Variants in OPA1 observed in about 807,000 individuals in gnomAD.
OPA1 encodes OPA1 mitochondrial dynamin like GTPase, also known as dynamin-like GTPase OPA1, mitochondrial.
Under a neutral mutation model 152.9 loss-of-function variants are expected in OPA1, and 59 were observed. The observed-to-expected ratio is 0.39, with a 90% CI of 0.31 to 0.48. The LOEUF is 0.48. Ranked by LOEUF, OPA1 falls within the 20% of genes least tolerant of loss-of-function variation. OPA1 has a pLI of 0.96. For synonymous variants in OPA1, 400 were observed against 389.9 expected (o/e 1.03, Z -0.31); for missense variants, 1,008 against 1,216.8 (o/e 0.83, Z 2.55).
chr3:193,649,657 G>A (rs1711905226), intron 21 of OPA1, among the ~76,000 whole-genome samples: 1 of 152,148 alleles, frequency 6.6e-6, no homozygotes, highest in African/African-American at 2.4e-5. Flanking sequence ...TCAAAAGTGA[G>A]CCTAGATAGT....
chr3:193,644,194 C>CA, intron 16 of OPA1, 89 bp downstream of exon 16: 2 of 1,465,854 alleles, frequency 1.4e-6, no homozygotes, highest in Admixed American at 1.7e-5. Flanking sequence ...ACAACAACAA[C>CA]AACAAAAAAA....
chr3:193,639,005 AG>A (rs1733356028), intron 11 of OPA1, among the ~76,000 whole-genome samples: 1 of 152,164 alleles, frequency 6.6e-6, no homozygotes, highest in Non-Finnish European at 1.5e-5. Context: ...GATCTAATAA[AG>A]GGGGGAAATG....
intron 1 of OPA1, among the ~76,000 whole-genome samples, chr3:193,604,774 C>T (rs538651060): frequency 2.0e-5 from 3 of 149,116 alleles, no homozygotes; most frequent in Non-Finnish European, 4.4e-5. Flanking sequence ...GCAGGAGAAT[C>T]GCTTGAACCC....
intron 16 of OPA1, among the ~76,000 whole-genome samples, chr3:193,644,785 C>G (rs1734296829): frequency 6.6e-6 from 1 of 152,114 alleles, no homozygotes; most frequent in Non-Finnish European, 1.5e-5. Flanking sequence ...TCTTTCAACT[C>G]TAGGATAGTG....
At chr3:193,648,192 CTAAATT>C in intron 20 of OPA1, 58 bp downstream of exon 20, 1 of 1,324,598 alleles carries the variant, frequency 7.5e-7, no homozygotes, top group Non-Finnish European at 1.1e-6. Context: ...TGTTTGCTAA[CTAAATT>C]TATGTTGAGA....
chr3:193,655,256 A>G (rs991028273), intron 22 of OPA1, among the ~76,000 whole-genome samples: 1 of 152,172 alleles, frequency 6.6e-6, no homozygotes, highest in Admixed American at 6.5e-5. Flanking sequence ...GGGTATTGGT[A>G]CTTCTTCCAA....
At chr3:193,630,084 G>A (rs1261894614) in intron 7 of OPA1, among the ~76,000 whole-genome samples, 1 of 152,180 alleles carries the variant, frequency 6.6e-6, no homozygotes, top group Non-Finnish European at 1.5e-5. Context: ...CATGCCAAAT[G>A]ATCATAATGT....
intron 5 of OPA1, 189 bp from the exon 6 acceptor site, chr3:193,618,679 GT>G (rs145678823): frequency 1.2e-3 from 630 of 525,090 alleles, no homozygotes; most frequent in East Asian, 2.4e-3. Flanking sequence ...GCTATAGTTA[GT>G]TTTTTTTTTA....
intron 4 of OPA1, 23 bp downstream of exon 4, chr3:193,617,308 T>A: frequency 7.0e-7 from 1 of 1,425,080 alleles, no homozygotes. Context: ...CTGTTTGATC[T>A]AATTTAAAAA....
intron 29 of OPA1, among the ~76,000 whole-genome samples, chr3:193,688,626 A>T (rs1721270123): frequency 6.6e-6 from 1 of 151,916 alleles, no homozygotes; most frequent in Non-Finnish European, 1.5e-5. Context: ...AAAAAAGACC[A>T]AAGAGACTTA....
chr3:193,604,979 A>G (rs1207450265), intron 1 of OPA1, among the ~76,000 whole-genome samples: 3 of 152,166 alleles, frequency 2.0e-5, no homozygotes, highest in Non-Finnish European at 4.4e-5. Context: ...GGCACTCCTT[A>G]ATAGGAGAGC....
chr3:193,666,617 A>G (rs537338833), intron 28 of OPA1, among the ~76,000 whole-genome samples: 7 of 152,090 alleles, frequency 4.6e-5, no homozygotes, highest in East Asian at 1.9e-4. Context: ...GTGAGACTCT[A>G]TCTCTACAAA....
Position 193,688,454 on chromosome 3 carries a change from T to C in OPA1, c.2984-3609T>C, listed in dbSNP as rs200791209. ...TTTACTGAAATGGGTCTTTTCTTTT[T>C]TTTTTTTTTTTTTTTTTTTTTTTTT... On this transcript the variant is annotated intron_variant, in intron 29 of 30. Transcript: ENST00000361510. Among the ~76,000 whole-genome samples, 82 of 25,590 alleles carry C rather than the reference T, an allele frequency of 3.2e-3. 2 individuals carry two copies. Among genetic ancestry groups the C allele is most frequent in the African/African-American group, 0.012 (64 of 5,478 alleles). The allele number at this position is 25,590 out of a possible 152,430, so 16.8% of individuals were successfully genotyped here.
chr3:193,608,031 T>C lies in OPA1; in HGVS notation c.33-6692T>C, dbSNP rs765918789. ...TTATTCTCTTTGAAGCAATTGTGAA[T>C]GAGAGTTCACTCATGATTTGGCTCT... On this transcript the variant is annotated intron_variant, in intron 1 of 30. Coordinates refer to ENST00000361510, the MANE Select transcript of OPA1 (RefSeq NM_130837.3). Among the ~76,000 whole-genome samples the C allele has an allele frequency of 4.6e-5, 7 of 152,366 alleles. No individual in the cohort carries two copies. The South Asian group carries it at 6.2e-4, about 14-fold the overall frequency.
rs77067527 is a variant in OPA1 at position 193,593,790 on chromosome 3, C to T, written c.32+381C>T. 2.0e-4 allele frequency among the ~76,000 whole-genome samples: 30 copies of T among 152,048 alleles called. No homozygotes were observed. The East Asian group carries it at 5.2e-3, about 27-fold the overall frequency. Reference sequence around the variant, plus strand: ...CAGGTTTGGCTCTGTCCATGAGTCACCTCTCTCCACATTTCTCCTAACTCT... The same window carrying T: ...CAGGTTTGGCTCTGTCCATGAGTCATCTCTCTCCACATTTCTCCTAACTCT... On this transcript the variant is annotated intron_variant, in intron 1 of 30. Transcript: ENST00000361510.
chr3:193,694,716 C>T lies in OPA1; in HGVS notation c.*116C>T, dbSNP rs1722101006. On this transcript the variant is annotated 3_prime_UTR_variant, in exon 31 of 31. Transcript: ENST00000361510. Reference sequence around the variant, plus strand: ...CACCTTTCTAAACATACAATAAAGTCATGGGATAAAAATAATCGATGTATG... The same window carrying T: ...CACCTTTCTAAACATACAATAAAGTTATGGGATAAAAATAATCGATGTATG... 6.6e-6 allele frequency: 1 copy of T among 152,188 alleles called. No individual in the cohort carries two copies. Among genetic ancestry groups the T allele is most frequent in the East Asian group, 1.9e-4 (1 of 5,198 alleles). The allele number at this position is 152,188 out of a possible 1,614,324, so 9.4% of individuals were successfully genotyped here.
intron 21 of OPA1, among the ~76,000 whole-genome samples, chr3:193,651,141 T>C (rs1712330276): frequency 1.3e-5 from 2 of 152,140 alleles, no homozygotes; most frequent in Non-Finnish European, 2.9e-5. Flanking sequence ...TTATTAACCA[T>C]ATTCAGAAGC....
intron 1 of OPA1, chr3:193,613,879 C>T (rs552764149): frequency 5.8e-6 from 3 of 516,286 alleles, no homozygotes; most frequent in Admixed American, 3.9e-5. Flanking sequence ...CACCCTGCCT[C>T]CTTCTTAAGA....
At chr3:193,599,585 G>A (rs1218918539) in intron 1 of OPA1, among the ~76,000 whole-genome samples, 1 of 152,054 alleles carries the variant, frequency 6.6e-6, no homozygotes, top group Non-Finnish European at 1.5e-5. Flanking sequence ...GGGGCCACAT[G>A]TATTTCTGCA....
Sources: allele counts gnomAD v4.1 joint callset (sites outside exome capture counted in the v4.1 genomes callset), GRCh38; gene constraint gnomAD v4.1.1; transcripts MANE v1.5; gene names NCBI Gene and HGNC (gene_info 2026-07-23, HGNC 2026-07-21).